Variants in SP140L observed in about 807,000 individuals in gnomAD.
SP140L encodes SP140 like nuclear body protein.
In SP140L, 64 loss-of-function variants were observed where a neutral mutation model predicts 84.3. The ratio of observed to expected loss-of-function variants is 0.76; its 90% CI spans 0.62 to 0.94. The LOEUF is 0.94. Ranked by LOEUF, SP140L falls within the 40% of genes least tolerant of loss-of-function variation. The probability of loss-of-function intolerance (pLI) is 0.00; values close to 1 mark genes in which losing one functional copy is unlikely to be tolerated. For missense variants in SP140L, 628 were observed against 692.5 expected, an observed-to-expected ratio of 0.91 and a Z score of 1.05; for synonymous variants, 242 against 236.9, an observed-to-expected ratio of 1.02 and a Z score of -0.20.
At chr2:230,381,536 A>C (rs2061405066) in intron 7 of SP140L, among the ~76,000 whole-genome samples, 1 of 152,216 alleles carries the variant, frequency 6.6e-6, no homozygotes, top group Non-Finnish European at 1.5e-5. Context: ...GGGTCCAGAT[A>C]TATTTGATTT....
rs928391130 is a variant in SP140L, at chr2:230,357,961, G to A, written c.264G>A (p.Met88Ile). Residue 88 changes from methionine to isoleucine, a missense_variant, in exon 3 of 19, where the codon ATG becomes ATA. Physicochemically the swap from Met to Ile is conservative, Grantham distance 10 (BLOSUM62 1). This residue lies in a region of SP140L where 525 missense variants were observed against 518.4 expected (regional missense o/e 1.01). Coordinates refer to ENST00000415673, the MANE Select transcript of SP140L (RefSeq NM_138402.6). ...ATCGGGAACTCATCACAAATAAAAT[G>A]TTTGAAGTAAGTAAAGTTTATTTCA... ...LRDRELITNK[M>I]FEDSEDSCRN... is the part of the protein sequence containing the mutation. 7 of 1,612,324 alleles carry A rather than the reference G, an allele frequency of 4.3e-6. No individual in the cohort carries two copies. Among genetic ancestry groups the A allele is most frequent in the East Asian group, 2.2e-5 (1 of 44,882 alleles).
At chr2:230,391,973 C>T (rs946909266) in intron 11 of SP140L, 114 bp from the exon 12 acceptor site, 2 of 1,452,648 alleles carry the variant, frequency 1.4e-6, no homozygotes, top group African/African-American at 2.8e-5. Flanking sequence ...CCAGACCCTC[C>T]TGCTATTGAT....
chr2:230,386,110 A>G (rs1245459634), intron 9 of SP140L, among the ~76,000 whole-genome samples: 1 of 152,218 alleles, frequency 6.6e-6, no homozygotes. Context: ...TTTTGAAAGA[A>G]ATAGAGCTTT....
At chr2:230,368,834 A>G (rs1185163337) in intron 5 of SP140L, among the ~76,000 whole-genome samples, 1 of 151,836 alleles carries the variant, frequency 6.6e-6, no homozygotes, top group Non-Finnish European at 1.5e-5. Flanking sequence ...TAAATTTCTC[A>G]TTTTGGTCAT....
chr2:230,339,838 T>G (rs967592041), intron 2 of SP140L, among the ~76,000 whole-genome samples: 1 of 145,358 alleles, frequency 6.9e-6, no homozygotes, highest in African/African-American at 2.6e-5. Flanking sequence ...AGTTCTAGTT[T>G]GATTGCACTG....
chr2:230,344,392 T>A (rs1229070964), intron 2 of SP140L, among the ~76,000 whole-genome samples: 1 of 152,200 alleles, frequency 6.6e-6, no homozygotes, highest in Non-Finnish European at 1.5e-5. Context: ...CATCCCTTGG[T>A]TTTGAGCCTA....
intron 2 of SP140L, among the ~76,000 whole-genome samples, chr2:230,341,780 G>A (rs2060051110): frequency 6.6e-6 from 1 of 152,160 alleles, no homozygotes; most frequent in Non-Finnish European, 1.5e-5. Flanking sequence ...CCCTGCTGGG[G>A]GGTGCCTCCC....
intron 5 of SP140L, among the ~76,000 whole-genome samples, chr2:230,364,922 T>G (rs1451160663): frequency 6.6e-6 from 1 of 152,142 alleles, no homozygotes; most frequent in Non-Finnish European, 1.5e-5. Context: ...CTTCATTCTA[T>G]TAATGCAACG....
intron 2 of SP140L, among the ~76,000 whole-genome samples, chr2:230,356,988 G>T (rs2060568727): frequency 6.6e-6 from 1 of 151,904 alleles, no homozygotes; most frequent in South Asian, 2.1e-4. Flanking sequence ...TTCTCTTCTG[G>T]TTGGATAAAA....
Position 230,388,610 on chromosome 2 carries a change from C to T in SP140L, c.836C>T (p.Pro279Leu). 1 of 1,609,266 alleles carries T rather than the reference C, an allele frequency of 6.2e-7. No homozygotes were observed. The highest frequency in any genetic ancestry group is 1.1e-5 in the South Asian group (1 of 89,908). The change falls in exon 10 of 19, where the codon CCA becomes CTA. Residue 279 changes from proline to leucine, a missense_variant. Transcript: ENST00000415673. ...GTHFTQSDRA[P>L]QKRVRSRASR... is the part of the protein sequence containing the mutation. ...CACTTTACTCAGAGTGACAGAGCTCCACAGAAAAGAGTCCGATCAAGAGGT... is the reference window on the plus strand; with the variant it reads ...CACTTTACTCAGAGTGACAGAGCTCTACAGAAAAGAGTCCGATCAAGAGGT...
chr2:230,379,453 T>C (rs569618136), intron 7 of SP140L, among the ~76,000 whole-genome samples: 20 of 152,322 alleles, frequency 1.3e-4, no homozygotes, highest in African/African-American at 4.8e-4. Context: ...ACAAATTGAA[T>C]ACCCCATCTC....
chr2:230,332,986 G>C (rs577858602), intron 2 of SP140L, among the ~76,000 whole-genome samples: 1 of 152,062 alleles, frequency 6.6e-6, no homozygotes, highest in East Asian at 1.9e-4. Context: ...GTAGCCTCCT[G>C]ACTAAGAGTT....
intron 13 of SP140L, 106 bp from the exon 14 acceptor site, chr2:230,396,651 A>G: frequency 7.4e-7 from 1 of 1,349,944 alleles, no homozygotes; most frequent in Non-Finnish European, 1.0e-6. Flanking sequence ...ATTTTTTTAC[A>G]ACTGGTTCCT....
At chr2:230,399,407 G>A (rs2062205681) in intron 14 of SP140L, among the ~76,000 whole-genome samples, 1 of 152,298 alleles carries the variant, frequency 6.6e-6, no homozygotes, top group South Asian at 2.1e-4. Flanking sequence ...AATGAGGAGA[G>A]GGTCTCCATC....
At chr2:230,328,649 C>A in intron 1 of SP140L, 108 bp from the exon 2 acceptor site, 1 of 1,357,654 alleles carries the variant, frequency 7.4e-7, no homozygotes, top group Non-Finnish European at 9.8e-7. Flanking sequence ...CTTTTTTTTG[C>A]ACATATGCAA....
chr2:230,370,613 A>G (rs538919966), intron 5 of SP140L, among the ~76,000 whole-genome samples: 1 of 152,336 alleles, frequency 6.6e-6, no homozygotes, highest in East Asian at 1.9e-4. Flanking sequence ...CTAGCTTGCT[A>G]TGATGTGATG....
chr2:230,341,869 G>A (rs1485662554), intron 2 of SP140L, among the ~76,000 whole-genome samples: 1 of 151,972 alleles, frequency 6.6e-6, no homozygotes, highest in South Asian at 2.1e-4. Flanking sequence ...CCAGCTGCGT[G>A]CTGGGAGAAC....
At chr2:230,380,015 C>A (rs1445168056) in intron 7 of SP140L, among the ~76,000 whole-genome samples, 1 of 152,102 alleles carries the variant, frequency 6.6e-6, no homozygotes, top group Non-Finnish European at 1.5e-5. Context: ...TCTGTATTAG[C>A]CCATTTTTAC....
intron 9 of SP140L, among the ~76,000 whole-genome samples, chr2:230,385,910 C>T (rs1296874723): frequency 1.3e-5 from 2 of 152,088 alleles, no homozygotes; most frequent in African/African-American, 2.4e-5. Flanking sequence ...TTGGCTTGGT[C>T]CCATCCAGGA....
Sources: gnomAD v4.1 joint callset for allele counts (sites outside exome capture counted in the v4.1 genomes callset) on GRCh38, gnomAD v4.1.1 for gene constraint, gnomAD v4.1.1 regional missense constraint, MANE v1.5 for transcripts, NCBI Gene and HGNC (gene_info 2026-07-23, HGNC 2026-07-21) for gene names.